Variants in FOXP2 observed in about 807,000 individuals in gnomAD.
The protein encoded by FOXP2 is forkhead box P2, also known as forkhead box protein P2.
Under a neutral mutation model 115.8 loss-of-function variants are expected in FOXP2, and 12 were observed. The observed-to-expected ratio is 0.10, with a 90% confidence interval of 0.07 to 0.17. FOXP2 has a LOEUF of 0.17. FOXP2 is among the 10% of genes least tolerant of loss of function. FOXP2 has a pLI of 1.00. For missense variants in FOXP2, 629 were observed against 843.5 expected, an observed-to-expected ratio of 0.75 and a Z score of 3.15; for synonymous variants, 328 against 297.7, an observed-to-expected ratio of 1.10 and a Z score of -1.05.
In FOXP2 at chr7:114,428,424, GT is replaced by G. The variant is rs529157289; in HGVS notation, c.168+1746del. 1.8e-4 allele frequency among the ~76,000 whole-genome samples: 27 copies of G among 151,530 alleles called. No individual in the cohort carries two copies. The South Asian group carries it at 5.6e-3, about 31-fold the overall frequency. On this transcript the variant is annotated intron_variant, in intron 2 of 16. Coordinates refer to ENST00000350908, the MANE Select transcript of FOXP2 (RefSeq NM_014491.4). The stretch of plus-strand genomic sequence containing the variant: ...TACTTTGTTCTATGCAGTTCATTAT[GT>G]AAACCATAAACAAGAGTAAACACAA...
intron 2 of FOXP2, among the ~76,000 whole-genome samples, chr7:114,402,418 G>T (rs1394403531): frequency 6.6e-6 from 1 of 152,092 alleles, no homozygotes; most frequent in East Asian, 1.9e-4. Context: ...TTTGTGTAAA[G>T]AACATATATC....
intron 1 of FOXP2, among the ~76,000 whole-genome samples, chr7:114,207,896 C>G (rs1227777426): frequency 6.6e-6 from 1 of 152,216 alleles, no homozygotes; most frequent in African/African-American, 2.4e-5. Context: ...TATGGTGGCT[C>G]ACGCCTATAA....
chr7:114,275,726 T>C (rs1458153398), intron 1 of FOXP2, among the ~76,000 whole-genome samples: 1 of 152,216 alleles, frequency 6.6e-6, no homozygotes, highest in Non-Finnish European at 1.5e-5. Flanking sequence ...GATTTTTGCC[T>C]TTTGATATGC....
chr7:114,416,319 A>G (rs1222540493), intron 1 of FOXP2: 2 of 152,068 alleles, frequency 1.3e-5, no homozygotes, highest in East Asian at 3.9e-4. Flanking sequence ...GTATAAACAC[A>G]GTCGGAGGAT....
At chr7:114,210,600 C>T (rs892946699) in intron 1 of FOXP2, among the ~76,000 whole-genome samples, 1 of 152,108 alleles carries the variant, frequency 6.6e-6, no homozygotes, top group Non-Finnish European at 1.5e-5. Flanking sequence ...GACCCCTGTT[C>T]GGAGGTCTCA....
chr7:114,399,904 T>G (rs1792840818), intron 2 of FOXP2, among the ~76,000 whole-genome samples: 1 of 144,650 alleles, frequency 6.9e-6, no homozygotes, highest in Admixed American at 6.8e-5. Context: ...TCACCCAGGC[T>G]GGAGTGCAGT....
At chr7:114,137,793 C>T (rs891777034) in intron 1 of FOXP2, among the ~76,000 whole-genome samples, 1 of 152,030 alleles carries the variant, frequency 6.6e-6, no homozygotes, top group Non-Finnish European at 1.5e-5. Flanking sequence ...AATATAAATA[C>T]AAATGATTAC....
At chr7:114,518,978 T>C (rs1169107081) in intron 2 of FOXP2, among the ~76,000 whole-genome samples, 1 of 152,184 alleles carries the variant, frequency 6.6e-6, no homozygotes, top group African/African-American at 2.4e-5. Context: ...TCTATTCTAC[T>C]CCACCATTCT....
In FOXP2 at chr7:114,629,876, A is replaced by ACAG. The variant is rs762779073; in HGVS notation, c.480_482dup (p.Gln191dup). ...TTCAGCTTTTGCAGCAGCAGCAGCA[A>ACAG]CAGCAGCAGCAGCAACAACAGCAGC... is the stretch of plus-strand genomic sequence containing the variant. On this transcript the variant is annotated inframe_insertion, in exon 5 of 17. Coordinates refer to ENST00000350908, the MANE Select transcript of FOXP2 (RefSeq NM_014491.4). 3.1e-6 allele frequency: 5 copies of ACAG among 1,610,404 alleles called. No homozygotes were observed. Among genetic ancestry groups the ACAG allele is most frequent in the East Asian group, 4.5e-5 (2 of 44,706 alleles).
At chr7:114,266,269 G>T (rs2129172082) in intron 1 of FOXP2, among the ~76,000 whole-genome samples, 1 of 152,082 alleles carries the variant, frequency 6.6e-6, no homozygotes, top group Non-Finnish European at 1.5e-5. Flanking sequence ...ACATTTTCAG[G>T]TATTTTTATA....
At chr7:114,511,060 A>T (rs1334051847) in intron 2 of FOXP2, among the ~76,000 whole-genome samples, 2 of 152,156 alleles carry the variant, frequency 1.3e-5, no homozygotes, top group Non-Finnish European at 2.9e-5. Context: ...TTGCAGGGAC[A>T]TGGATGAAGC....
chr7:114,436,757 T>C lies in FOXP2; in HGVS notation c.168+10078T>C, dbSNP rs144077111. On this transcript the variant is annotated intron_variant, in intron 2 of 16. Coordinates refer to ENST00000350908, the MANE Select transcript of FOXP2 (RefSeq NM_014491.4). ...GATATATAAACGTTACTTTGAGAGA[T>C]ACAACAGAGGAAGAGTGATGGTAGT... is the stretch of plus-strand genomic sequence containing the variant. Among the ~76,000 whole-genome samples, 288 of 152,084 alleles carry C rather than the reference T, an allele frequency of 1.9e-3. 2 individuals are homozygous for C. The highest frequency in any genetic ancestry group is 6.5e-3 in the African/African-American group (270 of 41,532).
chr7:114,532,741 A>C (rs1165123714), intron 2 of FOXP2, among the ~76,000 whole-genome samples: 3 of 151,852 alleles, frequency 2.0e-5, no homozygotes. Flanking sequence ...ACAGGTATAC[A>C]AAATAAACTC....
intron 3 of FOXP2, among the ~76,000 whole-genome samples, chr7:114,587,142 G>A (rs997947447): frequency 4.6e-5 from 7 of 151,660 alleles, no homozygotes; most frequent in South Asian, 2.1e-4. Context: ...CATGTGCCAT[G>A]GGGGTTTGCT....
intron 1 of FOXP2, among the ~76,000 whole-genome samples, chr7:114,188,116 AT>A (rs1259535491): frequency 6.6e-6 from 1 of 152,148 alleles, no homozygotes; most frequent in Non-Finnish European, 1.5e-5. Flanking sequence ...ACATCTAAGA[AT>A]CCCCACCAGA....
intron 2 of FOXP2, among the ~76,000 whole-genome samples, chr7:114,392,007 G>A (rs1792614951): frequency 6.6e-6 from 1 of 152,010 alleles, no homozygotes; most frequent in African/African-American, 2.4e-5. Flanking sequence ...TTTATGTCAA[G>A]GGGAAACTAT....
At chr7:114,639,531 A>G (rs1269843613) in intron 6 of FOXP2, among the ~76,000 whole-genome samples, 1 of 151,924 alleles carries the variant, frequency 6.6e-6, no homozygotes, top group Non-Finnish European at 1.5e-5. Context: ...ATGATTTTAA[A>G]AAAAAAGCTG....
At chr7:114,482,065 T>C (rs1796575633) in intron 2 of FOXP2, among the ~76,000 whole-genome samples, 1 of 151,390 alleles carries the variant, frequency 6.6e-6, no homozygotes, top group Admixed American at 6.6e-5. Flanking sequence ...CAGAACTACA[T>C]GCAGTACTCT....
At chr7:114,431,225 A>T (rs1483040042) in intron 2 of FOXP2, among the ~76,000 whole-genome samples, 3 of 151,886 alleles carry the variant, frequency 2.0e-5, no homozygotes, top group African/African-American at 7.2e-5. Context: ...GGTTTTATTT[A>T]TCTGTATTTG....
Sources: allele counts gnomAD v4.1 joint callset (sites outside exome capture counted in the v4.1 genomes callset), GRCh38; gene constraint gnomAD v4.1.1; transcripts MANE v1.5; gene names NCBI Gene and HGNC (gene_info 2026-07-23, HGNC 2026-07-21).